The following MGAT4C variants were observed in gnomAD, a reference collection of about 807,000 sequenced individuals.
MGAT4C encodes MGAT4 family member C.
A neutral mutation model predicts 40.1 loss-of-function variants in MGAT4C; 19 were observed. The observed-to-expected ratio is 0.47, with a 90% CI of 0.33 to 0.70. The LOEUF is 0.70. Ranked by LOEUF, MGAT4C falls within the 30% of genes least tolerant of loss-of-function variation. The pLI, the probability that MGAT4C is intolerant of heterozygous loss-of-function variation, is 0.02. For synonymous variants in MGAT4C, 181 were observed against 187.1 expected (o/e 0.97, Z 0.27); for missense variants, 491 against 563.2 (o/e 0.87, Z 1.30).
At position 85,971,682 on chromosome 12, in the gene MGAT4C, G is replaced by A. The variant is rs998457250; in HGVS notation, c.*7607C>T. 2.0e-5 allele frequency: 3 copies of A among 151,278 alleles called. No individual in the cohort carries two copies. Among genetic ancestry groups the A allele is most frequent in the Non-Finnish European group, 3.0e-5 (2 of 67,306 alleles). 9.4% of individuals were successfully genotyped at this position (151,278 alleles called of 1,614,324 possible). On this transcript the variant is annotated 3_prime_UTR_variant, in exon 5 of 5. Transcript: ENST00000611864. ...TCTTTTGACCCTCTCAGGGAGTCAA[G>A]TTTTGATTTGCTTGAATACAAGCAA...
chr12:86,202,281 T>C (rs963312787), intron 1 of MGAT4C, among the ~76,000 whole-genome samples: 1 of 152,044 alleles, frequency 6.6e-6, no homozygotes, highest in Non-Finnish European at 1.5e-5. Context: ...ATAGAGGAAA[T>C]TTTCATTTAT....
chr12:86,491,349 G>T (rs1213414488), intron 2 of MGAT4C, among the ~76,000 whole-genome samples: 3 of 151,860 alleles, frequency 2.0e-5, no homozygotes, highest in African/African-American at 4.8e-5. Context: ...CCAAAAAAAA[G>T]AATTTTAGAC....
chr12:86,335,654 T>A (rs1372369478), intron 3 of MGAT4C, among the ~76,000 whole-genome samples: 4 of 152,090 alleles, frequency 2.6e-5, no homozygotes, highest in Non-Finnish European at 5.9e-5. Context: ...TCTTTATCTG[T>A]GGAATTCAGA....
chr12:86,772,141 A>T (rs999310627), intron 1 of MGAT4C, among the ~76,000 whole-genome samples: 12 of 152,168 alleles, frequency 7.9e-5, no homozygotes, highest in African/African-American at 2.9e-4. Flanking sequence ...AAGAGATTGT[A>T]TGTATGGCTC....
intron 2 of MGAT4C, among the ~76,000 whole-genome samples, chr12:86,550,574 G>A (rs749905308): frequency 1.3e-5 from 2 of 152,114 alleles, no homozygotes; most frequent in Non-Finnish European, 2.9e-5. Flanking sequence ...TCCAGCACTG[G>A]GGCTTCATTT....
intron 2 of MGAT4C, among the ~76,000 whole-genome samples, chr12:86,560,967 A>G (rs575169426): frequency 6.6e-6 from 1 of 152,252 alleles, no homozygotes; most frequent in East Asian, 1.9e-4. Flanking sequence ...AGGATACAAA[A>G]CCAACATACA....
intron 2 of MGAT4C, among the ~76,000 whole-genome samples, chr12:86,693,715 A>T (rs1950209088): frequency 6.6e-6 from 1 of 152,204 alleles, no homozygotes; most frequent in Non-Finnish European, 1.5e-5. Flanking sequence ...TTCTCTAGCT[A>T]GTCACATTTA....
chr12:86,130,953 C>G (rs1323013742), intron 1 of MGAT4C, among the ~76,000 whole-genome samples: 1 of 151,946 alleles, frequency 6.6e-6, no homozygotes, highest in Non-Finnish European at 1.5e-5. Context: ...ACTATTTCTA[C>G]TATAATGTTG....
At chr12:86,267,157 GC>G (rs1952807530) in intron 4 of MGAT4C, among the ~76,000 whole-genome samples, 1 of 151,118 alleles carries the variant, frequency 6.6e-6, no homozygotes, top group Non-Finnish European at 1.5e-5. Flanking sequence ...GTTTGTTTTT[GC>G]TTTTCTAGTC....
At chr12:86,774,287 C>CTTTCTTTCTTTCTT (rs1395103261) in intron 1 of MGAT4C, among the ~76,000 whole-genome samples, 28 of 23,536 alleles carry the variant, frequency 1.2e-3, no homozygotes, top group South Asian at 2.7e-3. Flanking sequence ...CTTGCTCTTT[C>CTTTCTTTCTTTCTT]TTTCTTTCTT....
chr12:86,789,730 T>C (rs1951992424), intron 1 of MGAT4C, among the ~76,000 whole-genome samples: 1 of 152,150 alleles, frequency 6.6e-6, no homozygotes, highest in South Asian at 2.1e-4. Flanking sequence ...ATTGTGTGCA[T>C]AGTAGTAATA....
chr12:86,803,098 A>G (rs1311911831), intron 1 of MGAT4C, among the ~76,000 whole-genome samples: 1 of 143,500 alleles, frequency 7.0e-6, no homozygotes, highest in African/African-American at 2.6e-5. Flanking sequence ...CAGAGCCCTC[A>G]TAAATAATGC....
intron 2 of MGAT4C, among the ~76,000 whole-genome samples, chr12:86,548,436 C>T (rs369805507): frequency 1.3e-5 from 2 of 152,090 alleles, no homozygotes; most frequent in African/African-American, 4.8e-5. Flanking sequence ...GTTGTTCTTT[C>T]TCTTTCTCAC....
At chr12:86,098,689 A>C (rs1874382124) in intron 1 of MGAT4C, among the ~76,000 whole-genome samples, 1 of 151,632 alleles carries the variant, frequency 6.6e-6, no homozygotes, top group Non-Finnish European at 1.5e-5. Flanking sequence ...TTAAAAATAT[A>C]AATGGAATTT....
chr12:86,538,017 G>A (rs1959103785), intron 2 of MGAT4C, among the ~76,000 whole-genome samples: 1 of 152,198 alleles, frequency 6.6e-6, no homozygotes, highest in South Asian at 2.1e-4. Flanking sequence ...AACCTGGGAG[G>A]TGGAGGTGGC....
rs1487644146 is a variant in MGAT4C at position 85,973,033 on chromosome 12, G to A, written c.*6256C>T. The A allele has an allele frequency of 2.0e-5, 3 of 150,804 alleles. No homozygotes were observed. Among genetic ancestry groups the A allele is most frequent in the African/African-American group, 4.8e-5 (2 of 41,286 alleles). 9.3% of individuals were successfully genotyped at this position (150,804 alleles called of 1,614,324 possible). A position where few individuals can be genotyped will look rare whatever the true frequency, so the allele number is the denominator to read the frequency against. On this transcript the variant is annotated 3_prime_UTR_variant, in exon 5 of 5. Coordinates refer to ENST00000611864, the MANE Select transcript of MGAT4C (RefSeq NM_001351288.2). ...CAGATTATTATTCAATGAGAAACCT[G>A]ACTCAGATGAAGTTACAAAAAAAGT...
At chr12:86,620,683 T>A (rs1215338092) in intron 2 of MGAT4C, among the ~76,000 whole-genome samples, 1 of 152,148 alleles carries the variant, frequency 6.6e-6, no homozygotes, top group East Asian at 1.9e-4. Context: ...TTGATATGAT[T>A]TGGCTATGTG....
intron 2 of MGAT4C, among the ~76,000 whole-genome samples, chr12:86,654,195 G>C (rs959132578): frequency 1.3e-5 from 2 of 152,096 alleles, no homozygotes; most frequent in African/African-American, 4.8e-5. Context: ...TCATGGATTA[G>C]AAAGGTATTG....
chr12:86,657,691 T>C (rs1963883805), intron 2 of MGAT4C, among the ~76,000 whole-genome samples: 1 of 151,840 alleles, frequency 6.6e-6, no homozygotes, highest in African/African-American at 2.4e-5. Context: ...TATGAGAATG[T>C]TATGAGCAAT....
Sources: gnomAD v4.1 joint callset for allele counts (sites outside exome capture counted in the v4.1 genomes callset) on GRCh38, gnomAD v4.1.1 for gene constraint, MANE v1.5 for transcripts, NCBI Gene and HGNC (gene_info 2026-07-23, HGNC 2026-07-21) for gene names.